The following BMPR1B variants were observed in gnomAD, a reference collection of about 807,000 sequenced individuals.
BMPR1B encodes bone morphogenetic protein receptor type-1B.
BMPR1B carries 12 observed loss-of-function variants against 59.1 expected under a neutral mutation model. That is an observed-to-expected ratio of 0.20 (90% confidence interval 0.13 to 0.33). The LOEUF is 0.33. Among genes scored for constraint, BMPR1B ranks in the 10% least tolerant of loss-of-function variants. The pLI is 1.00. For synonymous variants in BMPR1B, 237 were observed against 207.3 expected (o/e 1.14, Z -1.23); for missense variants, 550 against 610.9 (o/e 0.90, Z 1.05).
chr4:95,007,985 T>C (rs1214489008), intron 3 of BMPR1B, among the ~76,000 whole-genome samples: 1 of 152,228 alleles, frequency 6.6e-6, no homozygotes, highest in African/African-American at 2.4e-5. Context: ...GAATTTAATA[T>C]GATTATAGTG....
chr4:95,079,244 G>C (rs1270022561), intron 3 of BMPR1B, among the ~76,000 whole-genome samples: 3 of 152,156 alleles, frequency 2.0e-5, no homozygotes, highest in Non-Finnish European at 4.4e-5. Flanking sequence ...TGAGGTAACG[G>C]TGTTTGTTCC....
At chr4:95,131,094 C>A in intron 9 of BMPR1B, 121 bp from the exon 10 acceptor site, 1 of 1,028,750 alleles carries the variant, frequency 9.7e-7, no homozygotes, top group Non-Finnish European at 1.4e-6. Context: ...TAGGCATAGT[C>A]AGGAAATTGA....
Position 94,918,682 on chromosome 4 carries a change from T to TA in BMPR1B, c.-113+42795dup, listed in dbSNP as rs35354766. 8.9e-3 allele frequency among the ~76,000 whole-genome samples: 1,312 copies of TA among 147,410 alleles called. 17 individuals carry two copies. The highest frequency in any genetic ancestry group is 0.023 in the African/African-American group (938 of 40,550). On this transcript the variant is annotated intron_variant, in intron 2 of 12. Coordinates refer to ENST00000515059, the MANE Select transcript of BMPR1B (RefSeq NM_001203.3). The stretch of plus-strand genomic sequence containing the variant: ...CTGGGCAACAGAGTAAGACACTGTT[T>TA]AAAAAAAAAAAAATGAAGCTTCTAT...
chr4:94,923,892 C>A (rs192731009), intron 2 of BMPR1B, among the ~76,000 whole-genome samples: 2 of 152,246 alleles, frequency 1.3e-5, no homozygotes, highest in East Asian at 3.9e-4. Flanking sequence ...CACACTTGGA[C>A]TGGGTCTTAG....
At chr4:94,831,017 A>C (rs1724565555) in intron 1 of BMPR1B, among the ~76,000 whole-genome samples, 1 of 152,196 alleles carries the variant, frequency 6.6e-6, no homozygotes, top group African/African-American at 2.4e-5. Context: ...GAAAAGGTTA[A>C]CTGTAAAAAA....
At chr4:94,941,857 T>C (rs1729527775) in intron 2 of BMPR1B, among the ~76,000 whole-genome samples, 1 of 152,260 alleles carries the variant, frequency 6.6e-6, no homozygotes, top group Non-Finnish European at 1.5e-5. Flanking sequence ...CCCTTGCTTC[T>C]GTTGTTTTGC....
chr4:94,913,403 C>T (rs930994351), intron 2 of BMPR1B, among the ~76,000 whole-genome samples: 3 of 152,132 alleles, frequency 2.0e-5, no homozygotes, highest in Non-Finnish European at 4.4e-5. Flanking sequence ...AAAGTCACTT[C>T]CTTTTGTTAA....
At chr4:94,861,329 C>T (rs188552217) in intron 1 of BMPR1B, among the ~76,000 whole-genome samples, 3 of 152,236 alleles carry the variant, frequency 2.0e-5, no homozygotes, top group East Asian at 3.9e-4. Context: ...CTTAGGACAA[C>T]GTGTGGTGCA....
At chr4:94,925,507 A>G (rs1728850638) in intron 2 of BMPR1B, among the ~76,000 whole-genome samples, 1 of 152,120 alleles carries the variant, frequency 6.6e-6, no homozygotes, top group Admixed American at 6.6e-5. Context: ...AGCCAGTCAT[A>G]TCCTAAGTGT....
intron 2 of BMPR1B, among the ~76,000 whole-genome samples, chr4:94,947,411 A>G (rs1729759768): frequency 6.6e-6 from 1 of 152,204 alleles, no homozygotes; most frequent in Admixed American, 6.5e-5. Context: ...TTTGTTTGGG[A>G]ATATTGGCAA....
intron 3 of BMPR1B, among the ~76,000 whole-genome samples, chr4:95,084,747 T>C (rs1187011250): frequency 6.6e-6 from 1 of 152,200 alleles, no homozygotes; most frequent in Non-Finnish European, 1.5e-5. Context: ...TAGGCAGGTA[T>C]GTTTGTCTAA....
chr4:94,841,583 C>T lies in BMPR1B; in HGVS notation c.-182-34248C>T, dbSNP rs190263479. Among the ~76,000 whole-genome samples the T allele has an allele frequency of 2.4e-4, 37 of 152,214 alleles. No individual in the cohort carries two copies. In the East Asian group the frequency reaches 5.2e-3, roughly 22 times the overall value. On this transcript the variant is annotated intron_variant, in intron 1 of 12. Transcript: ENST00000515059. ...GGAAAGGGAACTCGCTGACCCCTTG[C>T]GCTTCCCGAGTGAGGCAATGCCTCA...
chr4:95,042,144 C>T (rs551242005), intron 3 of BMPR1B, among the ~76,000 whole-genome samples: 162 of 152,344 alleles, frequency 1.1e-3, no homozygotes, highest in African/African-American at 3.7e-3. Flanking sequence ...GCGTGAGCCA[C>T]CATGCCCAGC....
At chr4:94,811,507 CT>C (rs1723810414) in intron 1 of BMPR1B, among the ~76,000 whole-genome samples, 1 of 152,088 alleles carries the variant, frequency 6.6e-6, no homozygotes. Flanking sequence ...GCAATTCAGT[CT>C]TCTTAAATCA....
At chr4:95,073,348 T>G (rs1328561127) in intron 3 of BMPR1B, among the ~76,000 whole-genome samples, 2 of 152,208 alleles carry the variant, frequency 1.3e-5, no homozygotes, top group Non-Finnish European at 1.5e-5. Flanking sequence ...TGTGTGATAT[T>G]ATCCTGACTG....
intron 2 of BMPR1B, among the ~76,000 whole-genome samples, chr4:94,981,003 A>ACGCACACGTACGCGCGCG (rs141994255): frequency 1.1e-5 from 1 of 90,796 alleles, no homozygotes; most frequent in African/African-American, 3.5e-5. Context: ...ACACACACAC[A>ACGCACACGTACGCGCGCG]CACACACACA....
intron 2 of BMPR1B, among the ~76,000 whole-genome samples, chr4:94,994,633 T>C (rs963091330): frequency 2.6e-5 from 4 of 152,226 alleles, no homozygotes; most frequent in Admixed American, 6.5e-5. Context: ...TGAATATTAA[T>C]TTTTGCATTA....
chr4:95,071,530 G>A (rs1193480382), intron 3 of BMPR1B, among the ~76,000 whole-genome samples: 2 of 151,660 alleles, frequency 1.3e-5, no homozygotes, highest in Admixed American at 6.6e-5. Flanking sequence ...TGGTTTGCCA[G>A]TCTGAGCTTA....
chr4:94,958,237 A>G (rs1265425066), intron 2 of BMPR1B, among the ~76,000 whole-genome samples: 3 of 152,210 alleles, frequency 2.0e-5, no homozygotes, highest in Non-Finnish European at 4.4e-5. Flanking sequence ...TAATAAGCAC[A>G]CCTTCCATAC....
Sources: gnomAD v4.1 joint callset for allele counts (sites outside exome capture counted in the v4.1 genomes callset) on GRCh38, gnomAD v4.1.1 for gene constraint, MANE v1.5 for transcripts, NCBI Gene and HGNC (gene_info 2026-07-23, HGNC 2026-07-21) for gene names.